The following SARM1 variants were observed in gnomAD, a reference collection of about 807,000 sequenced individuals.
The protein encoded by SARM1 is sterile alpha and TIR motif containing 1.
Under a neutral mutation model 65.1 loss-of-function variants are expected in SARM1, and 60 were observed. The ratio of observed to expected loss-of-function variants is 0.92; its 90% CI spans 0.75 to 1.14. The LOEUF is 1.14. SARM1 is among the 50% of genes most tolerant of loss of function. The pLI, the probability that SARM1 is intolerant of heterozygous loss-of-function variation, is 0.00. For synonymous variants in SARM1, 417 were observed against 465.4 expected (o/e 0.90, Z 1.34); for missense variants, 913 against 1,015.7 (o/e 0.90, Z 1.37).
intron 1 of SARM1, among the ~76,000 whole-genome samples, chr17:28,376,643 T>C (rs2067991242): frequency 6.6e-6 from 1 of 152,152 alleles, no homozygotes; most frequent in Non-Finnish European, 1.5e-5. Flanking sequence ...TTTTTGTTTT[T>C]GTTTTTGGTA....
intron 1 of SARM1, among the ~76,000 whole-genome samples, chr17:28,375,448 A>G (rs1428274164): frequency 6.6e-6 from 1 of 151,844 alleles, no homozygotes; most frequent in Non-Finnish European, 1.5e-5. Flanking sequence ...AATACAAAAA[A>G]TTAGCCGGGC....
At chr17:28,387,861 T>G in intron 5 of SARM1, 1 of 367,336 alleles carries the variant, frequency 2.7e-6, no homozygotes, top group Non-Finnish European at 5.0e-6. Flanking sequence ...AGGGGGAGAT[T>G]TGGGGTGTGT....
chr17:28,380,698 A>G (rs1178040172), intron 1 of SARM1, among the ~76,000 whole-genome samples: 3 of 151,936 alleles, frequency 2.0e-5, no homozygotes, highest in African/African-American at 4.8e-5. Flanking sequence ...TGACACTTCA[A>G]ATTAGGACAA....
chr17:28,386,870 C>T (rs2068052469), intron 5 of SARM1, among the ~76,000 whole-genome samples: 1 of 152,180 alleles, frequency 6.6e-6, no homozygotes, highest in Non-Finnish European at 1.5e-5. Flanking sequence ...TCCCAAGTAG[C>T]TGGGACCACA....
Position 28,397,945 on chromosome 17 carries a change from G to A in SARM1, c.*1659G>A, listed in dbSNP as rs1204234366. On this transcript the variant is annotated 3_prime_UTR_variant, in exon 9 of 9. Transcript: ENST00000585482. ...TCAGAAAGTCAAAGGTCTCACTCCA[G>A]GTTTGGGGCTCCTTCCTTCCACTCC... 6.6e-6 allele frequency: 1 copy of A among 152,624 alleles called. No homozygotes were observed. Among genetic ancestry groups the A allele is most frequent in the Non-Finnish European group, 1.5e-5 (1 of 68,390 alleles). 9.5% of individuals were successfully genotyped at this position (152,624 alleles called of 1,614,324 possible). A position where few individuals can be genotyped will look rare whatever the true frequency, so the allele number is the denominator to read the frequency against.
At position 28,381,717 on chromosome 17, in the gene SARM1, C is replaced by A. The variant is rs782715279; in HGVS notation, c.985C>A (p.Arg329Ser). Residue 329 changes from arginine (R) to serine (S), a missense_variant, in exon 2 of 9, where the codon CGC becomes AGC. By Grantham distance (110) the Arg-to-Ser change is moderately radical. Around this residue, in one of 3 missense-constraint regions of SARM1, gnomAD observed 862 missense variants for 952.1 expected, o/e 0.91. Coordinates refer to ENST00000585482, the MANE Select transcript of SARM1 (RefSeq NM_015077.4). ...GGGCCGCGGGCCCGACGACCTGCAG[C>A]GCCTCGTGCCGTTGCTCGACTCTAA... The part of the protein sequence containing the change: ...SQGRGPDDLQ[R>S]LVPLLDSNRL... 2 of 1,554,326 alleles carry A rather than the reference C, an allele frequency of 1.3e-6. No homozygotes were observed. Among genetic ancestry groups the A allele is most frequent in the Non-Finnish European group, 1.7e-6 (2 of 1,150,382 alleles).
At chr17:28,390,924 A>G (rs180946805) in intron 7 of SARM1, among the ~76,000 whole-genome samples, 2 of 152,322 alleles carry the variant, frequency 1.3e-5, no homozygotes, top group East Asian at 3.9e-4. Flanking sequence ...TCAGAAAAGT[A>G]GAATAATGTT....
At chr17:28,377,300 A>G (rs1294785491) in intron 1 of SARM1, among the ~76,000 whole-genome samples, 1 of 152,028 alleles carries the variant, frequency 6.6e-6, no homozygotes, top group African/African-American at 2.4e-5. Flanking sequence ...TGGTAAAAGG[A>G]ATAACTGGGC....
chr17:28,388,143 C>A (rs1555586310), intron 5 of SARM1, 31 bp from the exon 6 acceptor site: 1 of 1,464,290 alleles, frequency 6.8e-7, no homozygotes, highest in Admixed American at 2.0e-5. Flanking sequence ...GGAGGGGCCA[C>A]CTTCACCATG....
intron 2 of SARM1, among the ~76,000 whole-genome samples, chr17:28,383,987 C>T (rs1030968816): frequency 3.3e-5 from 5 of 152,034 alleles, no homozygotes; most frequent in Admixed American, 1.3e-4. Context: ...TGTGCATGTG[C>T]GTGTGTGTGT....
chr17:28,372,326 G>T lies in SARM1; in HGVS notation c.294G>T (p.Leu98=), dbSNP rs1445273134. 15 of 1,475,662 alleles carry T rather than the reference G, an allele frequency of 1.0e-5. No homozygotes were observed. In the East Asian group the frequency reaches 4.3e-4, roughly 42 times the overall value. The allele number at this position is 1,475,662 out of a possible 1,614,324, so 91.4% of individuals were successfully genotyped here. Reference sequence around the variant, plus strand: ...CCGGCCTGGCCGAGGTCTTCCAACTGGTGGAGGAGGCCTGGCTGCTGCCGG... The same window carrying T: ...CCGGCCTGGCCGAGGTCTTCCAACTTGTGGAGGAGGCCTGGCTGCTGCCGG... ...VGAGLAEVFQ[L]VEEAWLLPAV... Residue 98 remains leucine, a synonymous_variant, in exon 1 of 9, where the codon CTG becomes CTT. Transcript: ENST00000585482. This position sits in a 1 kb window ranked among gnomAD's most constrained non-coding sequence, Gnocchi z 5.2.
chr17:28,399,371 G>A lies in SARM1; in HGVS notation c.*3085G>A, dbSNP rs991422880. The A allele has an allele frequency of 8.9e-6, 4 of 451,544 alleles. No homozygotes were observed. The highest frequency in any genetic ancestry group is 1.6e-5 in the Non-Finnish European group (4 of 245,938). The allele number at this position is 451,544 out of a possible 1,614,324, so 28.0% of individuals were successfully genotyped here. A position where few individuals can be genotyped will look rare whatever the true frequency, so the allele number is the denominator to read the frequency against. ...TCTCCTCTGGCCTGTGGGGTTATAA[G>A]TGATGGATAGCAGAAAGGGAGAACT... On this transcript the variant is annotated 3_prime_UTR_variant, in exon 9 of 9. Transcript: ENST00000585482.
intron 7 of SARM1, among the ~76,000 whole-genome samples, chr17:28,390,499 G>A (rs1471313742): frequency 1.3e-5 from 2 of 152,092 alleles, no homozygotes; most frequent in African/African-American, 4.8e-5. Context: ...GATATGGCAG[G>A]GAAATATATT....
At chr17:28,373,730 A>G (rs2067971425) in intron 1 of SARM1, 1 of 152,228 alleles carries the variant, frequency 6.6e-6, no homozygotes, top group African/African-American at 2.4e-5. Flanking sequence ...ATGTGGAGTC[A>G]GGAGCTATAA....
chr17:28,377,474 C>T (rs1555584748), intron 1 of SARM1, among the ~76,000 whole-genome samples: 1 of 152,200 alleles, frequency 6.6e-6, no homozygotes, highest in East Asian at 1.9e-4. Context: ...CATGGTGGTA[C>T]ATGCCTGTAG....
At chr17:28,376,403 CAAAAAAA>C (rs58695374) in intron 1 of SARM1, among the ~76,000 whole-genome samples, 6 of 84,012 alleles carry the variant, frequency 7.1e-5, no homozygotes, top group African/African-American at 2.3e-4. Context: ...ACTAAAAATA[CAAAAAAA>C]AAAAAAAAAA....
Position 28,385,449 on chromosome 17 carries a change from A to G in SARM1, c.1630+174A>G. The G allele has an allele frequency of 1.7e-6, 1 of 596,164 alleles. No individual in the cohort carries two copies. The highest frequency in any genetic ancestry group is 2.1e-5 in the South Asian group (1 of 47,196). 36.9% of individuals were successfully genotyped at this position (596,164 alleles called of 1,614,324 possible). ...GATGAATACGTTGCACTTTACCTCA[A>G]GAAGTTCCCAGTCTGAGGTGGGTAG... On this transcript the variant is annotated intron_variant, in intron 5 of 8. Coordinates refer to ENST00000585482, the MANE Select transcript of SARM1 (RefSeq NM_015077.4). The surrounding 1 kb of genome is among the most constrained non-coding windows in gnomAD (Gnocchi z 4.5).
chr17:28,371,993 C>A lies in SARM1; in HGVS notation c.-40C>A. The A allele has an allele frequency of 7.1e-7, 1 of 1,411,174 alleles. No individual in the cohort carries two copies. The highest frequency in any genetic ancestry group is 9.2e-7 in the Non-Finnish European group (1 of 1,084,322). The allele number at this position is 1,411,174 out of a possible 1,614,324, so 87.4% of individuals were successfully genotyped here. On this transcript the variant is annotated 5_prime_UTR_variant, in exon 1 of 9. Coordinates refer to ENST00000585482, the MANE Select transcript of SARM1 (RefSeq NM_015077.4). Reference sequence around the variant, plus strand: ...AAAACCCGGGTCTCTCCGCGTGGCCCCGCCTCCAGGCCGGGGATGTCCCCC... The same window carrying A: ...AAAACCCGGGTCTCTCCGCGTGGCCACGCCTCCAGGCCGGGGATGTCCCCC...
chr17:28,374,838 G>A lies in SARM1; in HGVS notation c.470+2336G>A, dbSNP rs116396541. On this transcript the variant is annotated intron_variant, in intron 1 of 8. Transcript: ENST00000585482. ...CAAAAAATATACAGATTAGCCGGGC[G>A]TGATGGCATGCACAGTCCCAGCTAC... Among the ~76,000 whole-genome samples the A allele has an allele frequency of 6.3e-3, 959 of 151,616 alleles. 11 individuals are homozygous for A. The highest frequency in any genetic ancestry group is 0.022 in the African/African-American group (928 of 41,306).
Sources: allele counts gnomAD v4.1 joint callset (sites outside exome capture counted in the v4.1 genomes callset), GRCh38; gene constraint gnomAD v4.1.1; regional missense constraint gnomAD v4.1.1; non-coding constraint Gnocchi (gnomAD v3.1); transcripts MANE v1.5; gene names NCBI Gene and HGNC (gene_info 2026-07-23, HGNC 2026-07-21).